The following IGF2BP3 variants were observed in gnomAD, a reference collection of about 807,000 sequenced individuals.
IGF2BP3 encodes the protein insulin-like growth factor 2 mRNA-binding protein 3.
IGF2BP3 carries 9 observed loss-of-function variants against 73.8 expected under a neutral mutation model. That is an observed-to-expected ratio of 0.12 (90% CI 0.07 to 0.21). The LOEUF (loss-of-function observed/expected upper bound fraction) is 0.21. Among genes scored for constraint, IGF2BP3 ranks in the 10% least tolerant of loss-of-function variants. The pLI is 1.00. For synonymous variants in IGF2BP3, 258 were observed against 256.7 expected, an observed-to-expected ratio of 1.01 and a Z score of -0.05; for missense variants, 542 against 714.0, an observed-to-expected ratio of 0.76 and a Z score of 2.75.
intron 2 of IGF2BP3, among the ~76,000 whole-genome samples, chr7:23,425,446 A>G (rs191325527): frequency 1.4e-4 from 21 of 152,272 alleles, no homozygotes; most frequent in African/African-American, 4.3e-4. Flanking sequence ...CAGTGGTACA[A>G]TCACCTCACT....
At chr7:23,448,550 G>T (rs1788118881) in intron 2 of IGF2BP3, among the ~76,000 whole-genome samples, 1 of 152,034 alleles carries the variant, frequency 6.6e-6, no homozygotes, top group African/African-American at 2.4e-5. Flanking sequence ...CTACAGGCAT[G>T]CACCATCACA....
intron 2 of IGF2BP3, among the ~76,000 whole-genome samples, chr7:23,424,814 G>A (rs1397579065): frequency 6.6e-6 from 1 of 152,214 alleles, no homozygotes; most frequent in Non-Finnish European, 1.5e-5. Flanking sequence ...TCTTCAAGAT[G>A]TTTAGTAATC....
At chr7:23,379,496 G>A (rs1247794769) in intron 3 of IGF2BP3, among the ~76,000 whole-genome samples, 1 of 152,196 alleles carries the variant, frequency 6.6e-6, no homozygotes, top group Non-Finnish European at 1.5e-5. Context: ...ACTGGGACTA[G>A]AAGCAGGCAT....
At chr7:23,348,475 A>G (rs1784884434) in intron 6 of IGF2BP3, among the ~76,000 whole-genome samples, 1 of 152,256 alleles carries the variant, frequency 6.6e-6, no homozygotes, top group African/African-American at 2.4e-5. Context: ...ACTGGTCAGC[A>G]AAATGCTGAG....
At chr7:23,365,492 T>A (rs1456906650) in intron 3 of IGF2BP3, 2 of 152,162 alleles carry the variant, frequency 1.3e-5, no homozygotes, top group African/African-American at 4.8e-5. Flanking sequence ...CTTCAAAAGC[T>A]ACAGTGCCAA....
chr7:23,356,595 G>A (rs938922008), intron 5 of IGF2BP3, among the ~76,000 whole-genome samples: 1 of 152,192 alleles, frequency 6.6e-6, no homozygotes, highest in South Asian at 2.1e-4. Context: ...AAAATTCCAT[G>A]TCTAAAAATC....
At chr7:23,377,659 T>A (rs1381739938) in intron 3 of IGF2BP3, among the ~76,000 whole-genome samples, 1 of 152,218 alleles carries the variant, frequency 6.6e-6, no homozygotes, top group Admixed American at 6.5e-5. Flanking sequence ...CACAAAAACA[T>A]GTACACCAGT....
At chr7:23,323,522 G>A (rs1475284851) in intron 10 of IGF2BP3, among the ~76,000 whole-genome samples, 9 of 146,704 alleles carry the variant, frequency 6.1e-5, no homozygotes, top group African/African-American at 1.8e-4. Context: ...GAGACAGAAA[G>A]TCAACAAGGA....
intron 13 of IGF2BP3, among the ~76,000 whole-genome samples, 188 bp downstream of exon 13, chr7:23,313,334 G>C (rs775981146): frequency 1.1e-4 from 17 of 152,190 alleles, no homozygotes; most frequent in Non-Finnish European, 1.9e-4. Context: ...ATCTGAAAGA[G>C]ATGCATTACT....
At chr7:23,324,094 G>C (rs924317870) in intron 10 of IGF2BP3, among the ~76,000 whole-genome samples, 13 of 151,930 alleles carry the variant, frequency 8.6e-5, no homozygotes, top group African/African-American at 3.1e-4. Context: ...AGGAAATAGA[G>C]ACACAAAAAA....
At chr7:23,456,383 C>A (rs1242321786) in intron 2 of IGF2BP3, among the ~76,000 whole-genome samples, 1 of 152,122 alleles carries the variant, frequency 6.6e-6, no homozygotes, top group Non-Finnish European at 1.5e-5. Context: ...GAAGCTAATT[C>A]TTAATCAAAT....
intron 10 of IGF2BP3, among the ~76,000 whole-genome samples, chr7:23,330,733 T>C (rs576884614): frequency 1.4e-4 from 22 of 152,122 alleles, no homozygotes; most frequent in African/African-American, 5.3e-4. Flanking sequence ...GGTAGTTCTT[T>C]ATAGCGGTGT....
intron 2 of IGF2BP3, among the ~76,000 whole-genome samples, chr7:23,431,519 G>C (rs542830363): frequency 6.6e-6 from 1 of 151,984 alleles, no homozygotes; most frequent in African/African-American, 2.4e-5. Context: ...CCCTATGAAA[G>C]ATGGCATTGC....
intron 2 of IGF2BP3, among the ~76,000 whole-genome samples, chr7:23,444,096 T>C (rs1263284922): frequency 6.6e-6 from 1 of 152,196 alleles, no homozygotes; most frequent in East Asian, 1.9e-4. Context: ...GTGTTGTGCA[T>C]ATGCTATTTA....
intron 3 of IGF2BP3, among the ~76,000 whole-genome samples, chr7:23,403,909 G>T (rs1028039674): frequency 3.3e-5 from 5 of 151,888 alleles, no homozygotes; most frequent in African/African-American, 1.2e-4. Flanking sequence ...GATCGCTTAA[G>T]CTCAGGAGTT....
chr7:23,398,191 C>G lies in IGF2BP3; in HGVS notation c.285+20585G>C, dbSNP rs144074300. Among the ~76,000 whole-genome samples, 256 of 151,982 alleles carry G rather than the reference C, an allele frequency of 1.7e-3. 2 individuals are homozygous for G. Among genetic ancestry groups the G allele is most frequent in the African/African-American group, 5.9e-3 (246 of 41,450 alleles). ...GGTTTTTTGTCCTTGCGATAGTTTG[C>G]TGAGAATGATGGTTTCCAGTTTCAT... is the stretch of plus-strand genomic sequence containing the variant. On this transcript the variant is annotated intron_variant, in intron 3 of 14. Coordinates refer to ENST00000258729, the MANE Select transcript of IGF2BP3 (RefSeq NM_006547.3).
chr7:23,404,526 A>G (rs185581287), intron 3 of IGF2BP3, among the ~76,000 whole-genome samples: 2 of 152,266 alleles, frequency 1.3e-5, no homozygotes, highest in African/African-American at 4.8e-5. Flanking sequence ...TACACCCTCA[A>G]TTCAACCAAC....
chr7:23,436,009 G>A (rs535805140), intron 2 of IGF2BP3, among the ~76,000 whole-genome samples: 45 of 152,266 alleles, frequency 3.0e-4, no homozygotes, highest in African/African-American at 9.9e-4. Context: ...CACCTGCCTC[G>A]GCCTCCCAAA....
At chr7:23,387,923 G>A (rs1340165382) in intron 3 of IGF2BP3, among the ~76,000 whole-genome samples, 1 of 152,036 alleles carries the variant, frequency 6.6e-6, no homozygotes, top group Non-Finnish European at 1.5e-5. Flanking sequence ...AACTACTATG[G>A]AAAAGTTTAG....
Sources: allele counts gnomAD v4.1 joint callset (sites outside exome capture counted in the v4.1 genomes callset), GRCh38; gene constraint gnomAD v4.1.1; transcripts MANE v1.5; gene names NCBI Gene and HGNC (gene_info 2026-07-23, HGNC 2026-07-21).